Variants in TMEM144 observed in about 807,000 individuals in gnomAD.
TMEM144 encodes the protein transmembrane protein 144.
A neutral mutation model predicts 43.6 loss-of-function variants in TMEM144; 39 were observed. The ratio of observed to expected loss-of-function variants is 0.90; its 90% confidence interval spans 0.69 to 1.17. TMEM144 has a LOEUF of 1.17. TMEM144 is among the 50% of genes most tolerant of loss of function. The probability of loss-of-function intolerance (pLI) is 0.00; values close to 1 mark genes in which losing one functional copy is unlikely to be tolerated. For missense variants in TMEM144, 417 were observed against 411.9 expected, an observed-to-expected ratio of 1.01 and a Z score of -0.11; for synonymous variants, 154 against 133.6, an observed-to-expected ratio of 1.15 and a Z score of -1.06.
chr4:158,245,453 A>G (rs958285678), intron 12 of TMEM144, among the ~76,000 whole-genome samples: 3 of 151,928 alleles, frequency 2.0e-5, no homozygotes, highest in Middle Eastern at 3.4e-3. Flanking sequence ...TCTGTCACAT[A>G]CTAGCTGTGT....
At chr4:158,218,969 C>A (rs1213589450) in intron 5 of TMEM144, among the ~76,000 whole-genome samples, 1 of 151,952 alleles carries the variant, frequency 6.6e-6, no homozygotes, top group Non-Finnish European at 1.5e-5. Flanking sequence ...AAAAATTAGC[C>A]AGGCGTGGTA....
intron 12 of TMEM144, among the ~76,000 whole-genome samples, chr4:158,247,498 T>C (rs1441455334): frequency 6.6e-6 from 1 of 152,042 alleles, no homozygotes; most frequent in Non-Finnish European, 1.5e-5. Context: ...AAAATAAAAA[T>C]TTAAAAGAAT....
rs201629088 is a variant in TMEM144 at position 158,217,770 on chromosome 4, TATAAG to T, written c.332+352_332+356del. ...CAAATACGTGAGGTAAGCACTATCT[TATAAG>T]AGAGTAGATAAAAAGAGATTAAGTA... On this transcript the variant is annotated intron_variant, in intron 5 of 12. Coordinates refer to ENST00000296529, the MANE Select transcript of TMEM144 (RefSeq NM_018342.5). Among the ~76,000 whole-genome samples, 651 of 152,300 alleles carry T rather than the reference TATAAG, an allele frequency of 4.3e-3. 5 individuals are homozygous for T. The highest frequency in any genetic ancestry group is 0.015 in the African/African-American group (630 of 41,570).
intron 6 of TMEM144, among the ~76,000 whole-genome samples, chr4:158,223,874 C>A (rs1320807924): frequency 6.6e-6 from 1 of 152,186 alleles, no homozygotes; most frequent in African/African-American, 2.4e-5. Context: ...AATAAGCATA[C>A]ATGTGCATGT....
chr4:158,228,970 T>G (rs542253768), intron 6 of TMEM144, among the ~76,000 whole-genome samples: 1 of 152,072 alleles, frequency 6.6e-6, no homozygotes, highest in African/African-American at 2.4e-5. Flanking sequence ...GGGGGCTGCA[T>G]GCACCGGTAA....
At chr4:158,210,654 C>T (rs1447482768) in intron 1 of TMEM144, 68 bp downstream of exon 1, 1 of 152,188 alleles carries the variant, frequency 6.6e-6, no homozygotes, top group Non-Finnish European at 1.5e-5. Flanking sequence ...TTTTCAGAAA[C>T]GTGCTCATGG....
intron 12 of TMEM144, among the ~76,000 whole-genome samples, chr4:158,247,850 T>A (rs115022057): frequency 3.6e-3 from 537 of 150,706 alleles, no homozygotes; most frequent in African/African-American, 0.013. Context: ...TCCTGTAAAA[T>A]CCCAGTGAAG....
intron 12 of TMEM144, 102 bp downstream of exon 12, chr4:158,244,451 C>T (rs1480185708): frequency 2.9e-5 from 26 of 901,310 alleles, no homozygotes; most frequent in Admixed American, 6.6e-5. Flanking sequence ...GCAGGTGGAT[C>T]GTGAGGTTAG....
intron 2 of TMEM144, chr4:158,211,937 T>A (rs1560817487): frequency 6.6e-6 from 1 of 152,190 alleles, no homozygotes; most frequent in South Asian, 2.1e-4. Context: ...CATTGTGAAA[T>A]AAAATAACAA....
intron 5 of TMEM144, 52 bp from the exon 6 acceptor site, chr4:158,219,258 T>C (rs1734389833): frequency 1.9e-6 from 3 of 1,583,844 alleles, no homozygotes; most frequent in Non-Finnish European, 2.6e-6. Flanking sequence ...TTAAACATTA[T>C]GGTGAAACAT....
chr4:158,212,632 C>A lies in TMEM144; in HGVS notation c.-36C>A. 1 of 1,501,882 alleles carries A rather than the reference C, an allele frequency of 6.7e-7. No individual in the cohort carries two copies. Among genetic ancestry groups the A allele is most frequent in the South Asian group, 1.2e-5 (1 of 81,216 alleles). 93.0% of individuals were successfully genotyped at this position (1,501,882 alleles called of 1,614,324 possible). A position where few individuals can be genotyped will look rare whatever the true frequency, so the allele number is the denominator to read the frequency against. The stretch of plus-strand genomic sequence containing the variant: ...GAAGCTCCTGAAAAGTACATCAAGT[C>A]TAAAGTGAACCAGCTAACTCATTAA... On this transcript the variant is annotated 5_prime_UTR_variant, in exon 3 of 13. Transcript: ENST00000296529.
intron 12 of TMEM144, among the ~76,000 whole-genome samples, chr4:158,244,945 C>T (rs1441049857): frequency 2.0e-5 from 3 of 151,856 alleles, no homozygotes; most frequent in Non-Finnish European, 4.4e-5. Context: ...TTTAAATAAC[C>T]CAGTGAAATA....
chr4:158,249,933 T>TGTGTGTGTGTGTGTGTGTGTGTG (rs70958884), intron 12 of TMEM144, among the ~76,000 whole-genome samples: 14 of 136,082 alleles, frequency 1.0e-4, no homozygotes, highest in Admixed American at 1.5e-4. Context: ...TGTGTGTGTG[T>TGTGTGTGTGTGTGTGTGTGTGTG]TTAAATAAGC....
intron 8 of TMEM144, among the ~76,000 whole-genome samples, chr4:158,236,699 T>C (rs1579134078): frequency 6.6e-6 from 1 of 152,310 alleles, no homozygotes; most frequent in Non-Finnish European, 1.5e-5. Flanking sequence ...TTTTTGTTTT[T>C]TTTAGAGACA....
chr4:158,224,817 G>T (rs1472742088), intron 6 of TMEM144, among the ~76,000 whole-genome samples: 1 of 152,134 alleles, frequency 6.6e-6, no homozygotes, highest in Non-Finnish European at 1.5e-5. Flanking sequence ...ACTTTGCAGG[G>T]GTTGGCGAAG....
chr4:158,240,176 C>T (rs527510010), intron 9 of TMEM144, 123 bp from the exon 10 acceptor site: 3 of 1,165,630 alleles, frequency 2.6e-6, no homozygotes, highest in South Asian at 1.6e-5. Context: ...TGAGCCACTG[C>T]GCTCTGCCTA....
chr4:158,230,584 AAT>A (rs148492299), intron 6 of TMEM144, among the ~76,000 whole-genome samples: 1,800 of 148,892 alleles, frequency 0.012, 31 homozygotes, highest in African/African-American at 0.038. Context: ...TAACCTTACA[AAT>A]ATATATATAT....
At position 158,254,590 on chromosome 4, in the gene TMEM144, T is replaced by A. The variant is rs1013819094; in HGVS notation, c.*1063T>A. 1.3e-5 allele frequency: 2 copies of A among 151,896 alleles called. No homozygotes were observed. Among genetic ancestry groups the A allele is most frequent in the African/African-American group, 2.4e-5 (1 of 41,388 alleles). The allele number at this position is 151,896 out of a possible 1,614,324, so 9.4% of individuals were successfully genotyped here. ...GCCTAGGCAACATAGCAAGGTCCCA[T>A]CTCTAAAAAAGAAATTTAATTTAAA... is the stretch of plus-strand genomic sequence containing the variant. On this transcript the variant is annotated 3_prime_UTR_variant, in exon 13 of 13. Coordinates refer to ENST00000296529, the MANE Select transcript of TMEM144 (RefSeq NM_018342.5).
intron 9 of TMEM144, among the ~76,000 whole-genome samples, chr4:158,238,338 G>A (rs1015177985): frequency 6.6e-5 from 10 of 152,134 alleles, no homozygotes; most frequent in Non-Finnish European, 7.3e-5. Context: ...AGAATTTGGA[G>A]GGCAAAAGTC....
Sources: gnomAD v4.1 joint callset for allele counts (sites outside exome capture counted in the v4.1 genomes callset) on GRCh38, gnomAD v4.1.1 for gene constraint, MANE v1.5 for transcripts, NCBI Gene and HGNC (gene_info 2026-07-23, HGNC 2026-07-21) for gene names.